Variants in CHCHD3 observed in about 807,000 individuals in gnomAD.
The protein encoded by CHCHD3 is coiled-coil-helix-coiled-coil-helix domain containing 3.
In CHCHD3, 20 loss-of-function variants were observed where a neutral mutation model predicts 38.2. The observed-to-expected ratio is 0.52, with a 90% CI of 0.37 to 0.76. CHCHD3 has a LOEUF of 0.76. Ranked by LOEUF, CHCHD3 falls within the 30% of genes least tolerant of loss-of-function variation. The pLI is 0.00. For missense variants in CHCHD3, 245 were observed against 279.2 expected, an observed-to-expected ratio of 0.88 and a Z score of 0.87; for synonymous variants, 82 against 100.0, an observed-to-expected ratio of 0.82 and a Z score of 1.07.
intron 5 of CHCHD3, among the ~76,000 whole-genome samples, chr7:132,844,619 A>G (rs995576194): frequency 6.6e-6 from 1 of 152,158 alleles, no homozygotes; most frequent in African/African-American, 2.4e-5. Flanking sequence ...AGAAAGTCTT[A>G]TTGTTTGATA....
chr7:132,852,190 C>A (rs1462346636), intron 5 of CHCHD3, among the ~76,000 whole-genome samples: 2 of 152,168 alleles, frequency 1.3e-5, no homozygotes, highest in Non-Finnish European at 2.9e-5. Flanking sequence ...CTTCTCCAGC[C>A]CTCAGAGAAG....
In CHCHD3 at chr7:132,975,180, C is replaced by T. The variant is rs201557228; in HGVS notation, c.358G>A (p.Ala120Thr). ...RICSEEERAK[A>T]KHLARQLEEK... is the part of the protein sequence containing the mutation. The stretch of plus-strand genomic sequence containing the variant: ...TTTTTAATACTCACCAGGTGCTTTG[C>T]CTTAGCGCGTTCCTCCTCGCTACAT... The change falls in exon 4 of 8, where the codon GCA becomes ACA. Residue 120 changes from alanine (A) to threonine (T), a missense_variant. Physicochemically the swap from Ala to Thr is moderately conservative, Grantham distance 58. Transcript: ENST00000262570. 13 of 1,611,904 alleles carry T rather than the reference C, an allele frequency of 8.1e-6. No homozygotes were observed. The highest frequency in any genetic ancestry group is 2.2e-5 in the East Asian group (1 of 44,882).
intron 5 of CHCHD3, among the ~76,000 whole-genome samples, chr7:132,851,928 C>T (rs566919189): frequency 5.9e-5 from 9 of 152,302 alleles, no homozygotes; most frequent in African/African-American, 2.2e-4. Context: ...ACTAGGAACT[C>T]TATAAAACTA....
chr7:132,846,678 CA>C lies in CHCHD3; in HGVS notation c.454-8210del, dbSNP rs1439805415. 1.2e-4 allele frequency among the ~76,000 whole-genome samples: 19 copies of C among 152,260 alleles called. 1 individual carries two copies. Among genetic ancestry groups the C allele is most frequent in the Middle Eastern group, 3.4e-3 (1 of 294 alleles). Reference sequence around the variant, plus strand: ...GCAAACTACATGACACACAAACTCACAGAAATAATGTTAGAGTGACACCTGC... The same window carrying C: ...GCAAACTACATGACACACAAACTCACGAAATAATGTTAGAGTGACACCTGC... On this transcript the variant is annotated intron_variant, in intron 5 of 7. Coordinates refer to ENST00000262570, the MANE Select transcript of CHCHD3 (RefSeq NM_017812.4).
rs71178076 is a variant in CHCHD3 at position 133,009,363 on chromosome 7, C to CA, written c.251+15182dup. ...TGGGTGACAGTGCGAGACTCTGTCT[C>CA]AAAAAAAAAAAAAAAAAAAAAGTAC... On this transcript the variant is annotated intron_variant, in intron 3 of 7. Transcript: ENST00000262570. Among the ~76,000 whole-genome samples the CA allele has an allele frequency of 9.7e-3, 650 of 67,258 alleles. 23 individuals carry two copies. Among genetic ancestry groups the CA allele is most frequent in the African/African-American group, 0.024 (362 of 15,364 alleles). 44.1% of individuals were successfully genotyped at this position (67,258 alleles called of 152,430 possible).
At chr7:133,071,750 C>G (rs1013394844) in intron 1 of CHCHD3, among the ~76,000 whole-genome samples, 1 of 152,160 alleles carries the variant, frequency 6.6e-6, no homozygotes, top group Non-Finnish European at 1.5e-5. Context: ...ATCCATACAA[C>G]ACTATACAAC....
At chr7:132,941,308 A>C (rs1392948153) in intron 4 of CHCHD3, among the ~76,000 whole-genome samples, 2 of 152,180 alleles carry the variant, frequency 1.3e-5, no homozygotes, top group Non-Finnish European at 2.9e-5. Context: ...GCAAGGGTGC[A>C]GTTACTGCCT....
At chr7:132,870,351 CAA>C (rs58488494) in intron 5 of CHCHD3, among the ~76,000 whole-genome samples, 275 of 99,362 alleles carry the variant, frequency 2.8e-3, no homozygotes, top group Non-Finnish European at 4.0e-3. Flanking sequence ...CCTATCTCAC[CAA>C]AAAAAAAAAA....
chr7:132,821,747 C>CTTTTTTT (rs71178063), intron 6 of CHCHD3, among the ~76,000 whole-genome samples: 6 of 100,290 alleles, frequency 6.0e-5, no homozygotes, highest in African/African-American at 9.0e-5. Flanking sequence ...GCACTCAAAT[C>CTTTTTTT]TTTTTTTTTT....
chr7:132,971,720 C>G (rs1029947958), intron 4 of CHCHD3, among the ~76,000 whole-genome samples: 1 of 148,266 alleles, frequency 6.7e-6, no homozygotes, highest in Admixed American at 6.6e-5. Flanking sequence ...TGAAAGACAA[C>G]TTTTTAATTA....
intron 4 of CHCHD3, among the ~76,000 whole-genome samples, chr7:132,971,824 C>CA (rs953472982): frequency 6.6e-6 from 1 of 152,164 alleles, no homozygotes; most frequent in Non-Finnish European, 1.5e-5. Flanking sequence ...GGCCATTACT[C>CA]AAAGAGTCCC....
chr7:132,786,250 G>A (rs1328903684), intron 7 of CHCHD3, among the ~76,000 whole-genome samples: 3 of 152,254 alleles, frequency 2.0e-5, no homozygotes, highest in African/African-American at 7.2e-5. Context: ...CAGTGACCGG[G>A]GGAAAGCTAT....
intron 4 of CHCHD3, among the ~76,000 whole-genome samples, chr7:132,925,854 T>C (rs1331484500): frequency 1.3e-5 from 2 of 151,904 alleles, no homozygotes; most frequent in Non-Finnish European, 1.5e-5. Flanking sequence ...GAGTTGGGGA[T>C]GGGGGAAAAT....
intron 4 of CHCHD3, among the ~76,000 whole-genome samples, chr7:132,970,392 C>A (rs573599328): frequency 6.6e-6 from 1 of 152,322 alleles, no homozygotes; most frequent in African/African-American, 2.4e-5. Flanking sequence ...TATGTATTGA[C>A]TGCTTACTGT....
intron 5 of CHCHD3, among the ~76,000 whole-genome samples, chr7:132,859,653 G>A (rs1808432582): frequency 6.6e-6 from 1 of 152,182 alleles, no homozygotes; most frequent in South Asian, 2.1e-4. Context: ...TAAAGATGAT[G>A]GAGAACTGCT....
chr7:132,960,848 T>G (rs1811299028), intron 4 of CHCHD3, among the ~76,000 whole-genome samples: 1 of 152,084 alleles, frequency 6.6e-6, no homozygotes. Flanking sequence ...TATGGTGGCA[T>G]GCATCCATAG....
intron 5 of CHCHD3, among the ~76,000 whole-genome samples, chr7:132,874,539 T>A (rs569911424): frequency 1.3e-5 from 2 of 152,298 alleles, no homozygotes; most frequent in African/African-American, 4.8e-5. Context: ...ATTTATCCAA[T>A]TTAATTACCT....
At chr7:132,969,391 A>T (rs910504158) in intron 4 of CHCHD3, among the ~76,000 whole-genome samples, 3 of 152,170 alleles carry the variant, frequency 2.0e-5, no homozygotes, top group Non-Finnish European at 2.9e-5. Flanking sequence ...AGGGACAAAA[A>T]TACCTAATGA....
chr7:133,065,536 A>C (rs1322621143), intron 2 of CHCHD3, among the ~76,000 whole-genome samples: 1 of 152,218 alleles, frequency 6.6e-6, no homozygotes, highest in Non-Finnish European at 1.5e-5. Flanking sequence ...GTGAGAAAGA[A>C]GGCTTTTTAA....
Sources: allele counts gnomAD v4.1 joint callset (sites outside exome capture counted in the v4.1 genomes callset), GRCh38; gene constraint gnomAD v4.1.1; transcripts MANE v1.5; gene names NCBI Gene and HGNC (gene_info 2026-07-23, HGNC 2026-07-21).